The following CFAP184 variants were observed in gnomAD, a reference collection of about 807,000 sequenced individuals.
The protein encoded by CFAP184 is cilia and flagella associated protein 184, also known as cilia- and flagella-associated protein 184.
chr4:7,041,121 T>A, the CFAP184 span: 35 of 1,257,196 alleles, frequency 2.8e-5, no homozygotes, highest in Non-Finnish European at 3.4e-5. Flanking sequence ...GGCTCAGCAC[T>A]GATTTGGAAG....
the CFAP184 span, chr4:7,041,266 T>A: frequency 6.4e-7 from 1 of 1,564,078 alleles, no homozygotes; most frequent in South Asian, 1.2e-5. Flanking sequence ...TTCTCATCGA[T>A]CTGGTCAAGA....
chr4:7,042,127 C>G, the CFAP184 span: 2 of 1,606,846 alleles, frequency 1.2e-6, no homozygotes, highest in East Asian at 2.2e-5. Context: ...CTCTGCGCCC[C>G]GGTCAGCCAC....
the CFAP184 span, chr4:7,042,139 T>G: frequency 6.2e-7 from 1 of 1,606,166 alleles, no homozygotes; most frequent in Non-Finnish European, 8.5e-7. Flanking sequence ...GTCAGCCACC[T>G]CAGCGGCCTC....
the CFAP184 span, chr4:7,042,276 C>T: frequency 7.5e-6 from 12 of 1,591,790 alleles, no homozygotes; most frequent in Admixed American, 5.1e-5. Context: ...GCAGCTGCTG[C>T]TCCTGCAGCT....
chr4:7,041,249 C>G, the CFAP184 span: 354 of 1,541,462 alleles, frequency 2.3e-4, 3 homozygotes, highest in African/African-American at 4.5e-3. Context: ...AAGTGTTTTG[C>G]AGACTCTTCT....
At chr4:7,041,426 C>T in the CFAP184 span, 2 of 1,614,126 alleles carry the variant, frequency 1.2e-6, no homozygotes, top group South Asian at 1.1e-5. Context: ...AGAAGTGAGT[C>T]CTTGCCTAGA....
chr4:7,042,044 C>T, the CFAP184 span: 185 of 1,611,368 alleles, frequency 1.1e-4, no homozygotes, highest in East Asian at 4.0e-3. Context: ...AGGTCGTCTG[C>T]CTGCTGCTTC....
the CFAP184 span, chr4:7,042,106 G>A: frequency 6.2e-7 from 1 of 1,608,386 alleles, no homozygotes; most frequent in Non-Finnish European, 8.5e-7. Context: ...CTCTTTCTCG[G>A]GGGCCTCGGC....
chr4:7,042,999 A>G, the CFAP184 span: 2 of 1,371,630 alleles, frequency 1.5e-6, no homozygotes, highest in Non-Finnish European at 1.9e-6. Context: ...TTCCCGGGGC[A>G]ACAGAAGGCG....
chr4:7,041,864 C>A, the CFAP184 span: 1 of 1,610,486 alleles, frequency 6.2e-7, no homozygotes, highest in South Asian at 1.1e-5. Context: ...TGGATCTGCT[C>A]CACCTCTCGC....
chr4:7,042,420 C>G, the CFAP184 span: 1 of 1,612,184 alleles, frequency 6.2e-7, no homozygotes, highest in Non-Finnish European at 8.5e-7. Context: ...TCTGCGTCTC[C>G]TCCTTGTCCT....
the CFAP184 span, chr4:7,041,771 C>A: frequency 1.2e-6 from 2 of 1,612,918 alleles, no homozygotes; most frequent in Admixed American, 1.7e-5. Flanking sequence ...ATCCTGGTTT[C>A]AAAATGCACC....
the CFAP184 span, chr4:7,042,864 C>A: frequency 6.4e-7 from 1 of 1,569,428 alleles, no homozygotes; most frequent in Non-Finnish European, 8.6e-7. Context: ...TGATCTTGGA[C>A]GGCCGCGCGG....
chr4:7,041,311 C>G, the CFAP184 span: 2 of 1,611,138 alleles, frequency 1.2e-6, no homozygotes, highest in African/African-American at 2.7e-5. Context: ...GATCTTCTGC[C>G]TCACGCCTCT....
chr4:7,042,280 T>C, the CFAP184 span: 1 of 1,591,686 alleles, frequency 6.3e-7, no homozygotes, highest in Non-Finnish European at 8.6e-7. Flanking sequence ...CTGCTGCTCC[T>C]GCAGCTTCTG....
At chr4:7,042,207 G>C in the CFAP184 span, 1 of 1,597,756 alleles carries the variant, frequency 6.3e-7, no homozygotes, top group Non-Finnish European at 8.5e-7. Flanking sequence ...ATAGGTTGTA[G>C]CGCTGGGAGC....
chr4:7,042,105 G>C, the CFAP184 span: 2 of 1,608,188 alleles, frequency 1.2e-6, no homozygotes, highest in African/African-American at 2.7e-5. Context: ...GCTCTTTCTC[G>C]GGGGCCTCGG....
the CFAP184 span, chr4:7,042,000 C>A: frequency 1.5e-5 from 24 of 1,612,410 alleles, no homozygotes; most frequent in Non-Finnish European, 1.7e-6. Flanking sequence ...GGCACTGCCG[C>A]TTCAACTGGC....
the CFAP184 span, chr4:7,042,494 T>C: frequency 6.2e-7 from 1 of 1,609,984 alleles, no homozygotes; most frequent in Non-Finnish European, 8.5e-7. Flanking sequence ...TCCTCATCGA[T>C]CCTGGTCAGC....
Sources: allele counts gnomAD v4.1 joint callset, GRCh38; gene constraint gnomAD v4.1.1; transcripts MANE v1.5; gene names NCBI Gene and HGNC (gene_info 2026-07-23, HGNC 2026-07-21).